Variants in AHI1 observed in about 807,000 individuals in gnomAD.
AHI1 encodes jouberin.
Under a neutral mutation model 149.3 loss-of-function variants are expected in AHI1, and 123 were observed. The observed-to-expected ratio is 0.82, with a 90% CI of 0.71 to 0.96. The LOEUF is 0.96. Among genes scored for constraint, AHI1 ranks in the 40% least tolerant of loss-of-function variants. The probability of loss-of-function intolerance (pLI) is 0.00; values close to 1 mark genes in which losing one functional copy is unlikely to be tolerated. For synonymous variants in AHI1, 475 were observed against 459.8 expected (o/e 1.03, Z -0.42); for missense variants, 1,439 against 1,422.7 (o/e 1.01, Z -0.18).
At chr6:135,481,521 G>T (rs1793638884) in intron 5 of AHI1, among the ~76,000 whole-genome samples, 1 of 151,698 alleles carries the variant, frequency 6.6e-6, no homozygotes, top group African/African-American at 2.4e-5. Flanking sequence ...GACCATTTTG[G>T]ATTTCAGATT....
intron 2 of AHI1, 57 bp downstream of exon 2, chr6:135,497,131 T>C (rs776601715): frequency 6.6e-6 from 1 of 152,218 alleles, no homozygotes; most frequent in Non-Finnish European, 1.5e-5. Context: ...TTTTTATGCA[T>C]CTCGAAACAA....
intron 8 of AHI1, among the ~76,000 whole-genome samples, chr6:135,460,293 C>A (rs565609382): frequency 3.3e-5 from 5 of 152,042 alleles, no homozygotes; most frequent in Non-Finnish European, 7.4e-5. Context: ...GCAACAAATA[C>A]AAAACAAAAA....
chr6:135,353,170 C>T (rs939718182), intron 24 of AHI1, among the ~76,000 whole-genome samples: 2 of 152,024 alleles, frequency 1.3e-5, no homozygotes, highest in Non-Finnish European at 2.9e-5. Context: ...CGGAAGACTA[C>T]AAGTGGTTGT....
intron 26 of AHI1, among the ~76,000 whole-genome samples, chr6:135,312,715 C>G (rs1785385617): frequency 6.6e-6 from 1 of 152,170 alleles, no homozygotes; most frequent in African/African-American, 2.4e-5. Flanking sequence ...AATATGGAGG[C>G]CATGCTCCTA....
In AHI1 at chr6:135,452,324, G is replaced by A. The variant is rs1788250427; in HGVS notation, c.1440+1017C>T. Among the ~76,000 whole-genome samples, 3 of 152,284 alleles carry A rather than the reference G, an allele frequency of 2.0e-5. No homozygotes were observed. The South Asian group carries it at 6.2e-4, about 32-fold the overall frequency. ...TCATAATTTAAATTGATGTTTGAAG[G>A]AAAAGATAATTACAAAATTAAAATA... is the stretch of plus-strand genomic sequence containing the variant. On this transcript the variant is annotated intron_variant, in intron 11 of 28. Coordinates refer to ENST00000265602, the MANE Select transcript of AHI1 (RefSeq NM_001134831.2).
chr6:135,400,484 C>T (rs1319099219), intron 22 of AHI1, among the ~76,000 whole-genome samples: 1 of 151,802 alleles, frequency 6.6e-6, no homozygotes, highest in Non-Finnish European at 1.5e-5. Context: ...GATGAAGTTT[C>T]CTGGCTTCAA....
At position 135,495,123 on chromosome 6, in the gene AHI1, T is replaced by C. The variant is rs189165053; in HGVS notation, c.-55+691A>G. Reference sequence around the variant, plus strand: ...CAGTAACTCTGAGGGACAAAAACACTGTGGAAGGATTATGCTTTTTGTTTT... The same window carrying C: ...CAGTAACTCTGAGGGACAAAAACACCGTGGAAGGATTATGCTTTTTGTTTT... On this transcript the variant is annotated intron_variant, in intron 3 of 28. Coordinates refer to ENST00000265602, the MANE Select transcript of AHI1 (RefSeq NM_001134831.2). Among the ~76,000 whole-genome samples, 218 of 152,218 alleles carry C rather than the reference T, an allele frequency of 1.4e-3. 1 individual carries two copies. Among genetic ancestry groups the C allele is most frequent in the Non-Finnish European group, 2.5e-3 (173 of 68,016 alleles).
chr6:135,365,515 G>T (rs959095392), intron 23 of AHI1, among the ~76,000 whole-genome samples: 1 of 152,078 alleles, frequency 6.6e-6, no homozygotes, highest in Non-Finnish European at 1.5e-5. Flanking sequence ...TCCTTGTAGA[G>T]ATCTTTCACC....
At position 135,392,651 on chromosome 6, in the gene AHI1, T is replaced by C. The variant is rs531679112; in HGVS notation, c.3109+2125A>G. Among the ~76,000 whole-genome samples the C allele has an allele frequency of 3.9e-5, 6 of 152,238 alleles. No individual in the cohort carries two copies. In the East Asian group the frequency reaches 1.2e-3, roughly 29 times the overall value. Reference sequence around the variant, plus strand: ...TTTTGTAGTCATGTATTTCAGATTCTAATAGATTATTCGTACAATCAACAC... The same window carrying C: ...TTTTGTAGTCATGTATTTCAGATTCCAATAGATTATTCGTACAATCAACAC... On this transcript the variant is annotated intron_variant, in intron 23 of 28. Transcript: ENST00000265602.
At chr6:135,425,604 A>T (rs370943431) in intron 20 of AHI1, among the ~76,000 whole-genome samples, 2 of 151,892 alleles carry the variant, frequency 1.3e-5, no homozygotes, top group African/African-American at 2.4e-5. Context: ...CTTAGGTAGG[A>T]CAGGTATTAG....
intron 23 of AHI1, among the ~76,000 whole-genome samples, chr6:135,391,290 C>G (rs1258297373): frequency 1.3e-5 from 2 of 152,116 alleles, no homozygotes; most frequent in East Asian, 3.8e-4. Context: ...GCACCAGGGA[C>G]CAGGTTCATG....
chr6:135,364,921 A>AAGAGGAAGAGGGAGAGGG (rs1773929512), intron 23 of AHI1, among the ~76,000 whole-genome samples: 11 of 151,018 alleles, frequency 7.3e-5, no homozygotes, highest in African/African-American at 2.7e-4. Flanking sequence ...GAGGAAGAGG[A>AAGAGGAAGAGGGAGAGGG]AGAGGGAGAG....
chr6:135,334,984 A>C (rs1348962203), intron 24 of AHI1, among the ~76,000 whole-genome samples: 1 of 152,192 alleles, frequency 6.6e-6, no homozygotes, highest in Non-Finnish European at 1.5e-5. Context: ...TTTAGTTAAT[A>C]CTTTATTTTA....
Position 135,427,262 on chromosome 6 carries a change from A to G in AHI1, c.2669T>C (p.Ile890Thr), listed in dbSNP as rs1456115430. The change falls in exon 20 of 29, where the codon ATT (isoleucine) becomes ACT (threonine). Residue 890 changes from isoleucine to threonine, a missense_variant. By Grantham distance (89) the Ile-to-Thr change is moderately conservative. Coordinates refer to ENST00000265602, the MANE Select transcript of AHI1 (RefSeq NM_001134831.2). ...MYSDLPFKSP[I>T]RDISYHPFEN... is the part of the protein sequence containing the mutation. ...AAATGGATGATAAGAAATGTCTCGA[A>G]TGGGTGACTTGAATGGCAAGTCAGA... 6.2e-7 allele frequency: 1 copy of G among 1,610,366 alleles called. No individual in the cohort carries two copies. The highest frequency in any genetic ancestry group is 8.5e-7 in the Non-Finnish European group (1 of 1,177,682).
At position 135,324,537 on chromosome 6, in the gene AHI1, T is replaced by C. The variant is rs912782959; in HGVS notation, c.3166-1213A>G. Among the ~76,000 whole-genome samples, 8 of 113,818 alleles carry C rather than the reference T, an allele frequency of 7.0e-5. No individual in the cohort carries two copies. In the East Asian group the frequency reaches 1.7e-3, roughly 24 times the overall value. The allele number at this position is 113,818 out of a possible 152,430, so 74.7% of individuals were successfully genotyped here. ...TACATATGTAATGGAAAATTACATA[T>C]ATAGTTATATATACATATATATATA... On this transcript the variant is annotated intron_variant, in intron 24 of 28. Transcript: ENST00000265602.
chr6:135,462,458 T>C (rs1790055153), intron 8 of AHI1, among the ~76,000 whole-genome samples: 1 of 151,066 alleles, frequency 6.6e-6, no homozygotes, highest in South Asian at 2.1e-4. Context: ...TCAGAAATGT[T>C]TATTGGCTGC....
At chr6:135,363,850 G>A (rs572784452) in intron 23 of AHI1, among the ~76,000 whole-genome samples, 173 of 149,074 alleles carry the variant, frequency 1.2e-3, no homozygotes, top group Middle Eastern at 3.5e-3. Context: ...CCGGGCAGAG[G>A]CGCCCCTCAC....
In AHI1 at chr6:135,436,953, A is replaced by G. The variant is rs558690510; in HGVS notation, c.2036+1422T>C. Reference sequence around the variant, plus strand: ...GGACACAATCAATAGAGAGAAAGATATTAATCAGACTAGTAGATGTAATAC... The same window carrying G: ...GGACACAATCAATAGAGAGAAAGATGTTAATCAGACTAGTAGATGTAATAC... On this transcript the variant is annotated intron_variant, in intron 15 of 28. Transcript: ENST00000265602. Among the ~76,000 whole-genome samples the G allele has an allele frequency of 2.0e-5, 3 of 152,344 alleles. No homozygotes were observed. In the East Asian group the frequency reaches 5.8e-4, roughly 29 times the overall value.
rs1326902407 is a variant in AHI1, at chr6:135,284,063, T to C, written c.*1582A>G. The C allele has an allele frequency of 6.6e-6, 1 of 151,990 alleles. No homozygotes were observed. The highest frequency in any genetic ancestry group is 1.5e-5 in the Non-Finnish European group (1 of 67,990). 9.4% of individuals were successfully genotyped at this position (151,990 alleles called of 1,614,324 possible). On this transcript the variant is annotated 3_prime_UTR_variant, in exon 29 of 29. Coordinates refer to ENST00000265602, the MANE Select transcript of AHI1 (RefSeq NM_001134831.2). ...AGAAAAAAACAAGCTTGTACAAGAG[T>C]GACTCAAGCTGGCTGGGCCCAGCTG...
Sources: gnomAD v4.1 joint callset for allele counts (sites outside exome capture counted in the v4.1 genomes callset) on GRCh38, gnomAD v4.1.1 for gene constraint, MANE v1.5 for transcripts, NCBI Gene and HGNC (gene_info 2026-07-23, HGNC 2026-07-21) for gene names.